The following HERC4 variants were observed in gnomAD, a reference collection of about 807,000 sequenced individuals.
HERC4 encodes probable E3 ubiquitin-protein ligase HERC4.
A neutral mutation model predicts 124.3 loss-of-function variants in HERC4; 28 were observed. That is an observed-to-expected ratio of 0.23 (90% CI 0.17 to 0.31). The LOEUF (loss-of-function observed/expected upper bound fraction) is 0.31. Ranked by LOEUF, HERC4 falls within the 10% of genes least tolerant of loss-of-function variation. The pLI, the probability that HERC4 is intolerant of heterozygous loss-of-function variation, is 1.00. For missense variants in HERC4, 713 were observed against 1,229.3 expected (o/e 0.58, Z 6.28); for synonymous variants, 407 against 421.5 (o/e 0.97, Z 0.42).
intron 15 of HERC4, among the ~76,000 whole-genome samples, chr10:67,973,055 T>C (rs749880741): frequency 1.3e-5 from 2 of 152,132 alleles, no homozygotes; most frequent in South Asian, 4.1e-4. Flanking sequence ...TACACACACA[T>C]ATATAAAGCA....
intron 17 of HERC4, chr10:67,955,370 C>A: frequency 2.6e-6 from 1 of 383,004 alleles, no homozygotes. Context: ...TTAGAGTAAG[C>A]CAGTACAGAA....
At chr10:67,974,309 C>G (rs1027733007) in intron 15 of HERC4, among the ~76,000 whole-genome samples, 1 of 151,996 alleles carries the variant, frequency 6.6e-6, no homozygotes, top group African/African-American at 2.4e-5. Flanking sequence ...CAAATGCAGA[C>G]CCTATAGAGA....
At chr10:67,960,149 T>G (rs2034412643) in intron 16 of HERC4, among the ~76,000 whole-genome samples, 1 of 152,204 alleles carries the variant, frequency 6.6e-6, no homozygotes, top group Admixed American at 6.5e-5. Flanking sequence ...GGGAGCAGGA[T>G]GTGATTGAAC....
intron 3 of HERC4, among the ~76,000 whole-genome samples, chr10:68,051,775 G>A (rs368800425): frequency 2.0e-5 from 3 of 146,792 alleles, no homozygotes; most frequent in Non-Finnish European, 4.5e-5. Flanking sequence ...CTGCAACCCC[G>A]CCTCCGAGGC....
intron 23 of HERC4, among the ~76,000 whole-genome samples, chr10:67,930,523 T>C (rs2031677406): frequency 6.6e-6 from 1 of 152,222 alleles, no homozygotes; most frequent in Non-Finnish European, 1.5e-5. Context: ...CCACTTTGTA[T>C]CCCCATCGGC....
chr10:68,032,279 A>G (rs565015271), intron 7 of HERC4, among the ~76,000 whole-genome samples: 1 of 152,346 alleles, frequency 6.6e-6, no homozygotes, highest in South Asian at 2.1e-4. Context: ...GTGAGAGGTC[A>G]GAGTTAAAGC....
chr10:68,039,742 A>G (rs1430815530), intron 4 of HERC4: 17 of 1,273,642 alleles, frequency 1.3e-5, no homozygotes, highest in Non-Finnish European at 1.7e-5. Context: ...GGAATAAAAA[A>G]TACATGAACA....
In HERC4 at chr10:67,956,797, C is replaced by G. The variant is rs146600902; in HGVS notation, c.2025+81G>C. ...ACTTTGTGTACCTTCATTACTGATC[C>G]TAGGAAAATTTCAAATATTTACTGT... On this transcript the variant is annotated intron_variant, in intron 17 of 24. Transcript: ENST00000373700. 51 of 862,100 alleles carry G rather than the reference C, an allele frequency of 5.9e-5. No individual in the cohort carries two copies. In the East Asian group the frequency reaches 1.2e-3, roughly 21 times the overall value. The allele number at this position is 862,100 out of a possible 1,614,324, so 53.4% of individuals were successfully genotyped here. A position where few individuals can be genotyped will look rare whatever the true frequency, so the allele number is the denominator to read the frequency against.
Position 68,072,895 on chromosome 10 carries a change from T to C in HERC4, c.214A>G (p.Arg72Gly), listed in dbSNP as rs771003134. The C allele has an allele frequency of 3.2e-6, 5 of 1,561,122 alleles. No individual in the cohort carries two copies. In the Admixed American group the frequency reaches 7.9e-5, roughly 25 times the overall value. Residue 72 changes from arginine to glycine, a missense_variant, in exon 3 of 25, where the codon AGA becomes GGA. By Grantham distance (125) the Arg-to-Gly change is moderately radical (BLOSUM62 -2). Transcript: ENST00000373700. ...CATTTCAACTTACCTGGTTTCTTTC[T>C]GGATTTTTCATGACCTAGCTGTCCT... ...DLGQLGHEKSRKKPEQVVALD... is the reference protein window; with the variant it reads ...DLGQLGHEKSGKKPEQVVALD...
intron 15 of HERC4, among the ~76,000 whole-genome samples, chr10:67,988,363 T>C (rs1005882789): frequency 6.6e-6 from 1 of 152,064 alleles, no homozygotes; most frequent in Admixed American, 6.6e-5. Context: ...TAATGCAAAC[T>C]AACAAATTAT....
chr10:67,961,176 G>A (rs927127790), intron 16 of HERC4: 2 of 163,462 alleles, frequency 1.2e-5, no homozygotes, highest in African/African-American at 4.8e-5. Flanking sequence ...TCCATGCAAT[G>A]GAAGTTAGGT....
At chr10:67,985,035 G>A (rs1459358327) in intron 15 of HERC4, among the ~76,000 whole-genome samples, 1 of 152,134 alleles carries the variant, frequency 6.6e-6, no homozygotes, top group Non-Finnish European at 1.5e-5. Context: ...ATACGTTTTT[G>A]AAAAGAAATG....
chr10:68,048,618 T>C (rs983769189), intron 3 of HERC4, among the ~76,000 whole-genome samples: 4 of 152,212 alleles, frequency 2.6e-5, no homozygotes, highest in African/African-American at 7.2e-5. Context: ...ATCCATTTAA[T>C]GTGTAACACT....
chr10:68,052,849 G>C (rs553185281), intron 3 of HERC4, among the ~76,000 whole-genome samples: 48 of 152,248 alleles, frequency 3.2e-4, no homozygotes, highest in African/African-American at 1.0e-3. Flanking sequence ...TGAACACAGA[G>C]TGAAAAATTC....
chr10:68,001,487 T>C (rs2037229622), intron 9 of HERC4, among the ~76,000 whole-genome samples: 1 of 152,186 alleles, frequency 6.6e-6, no homozygotes, highest in Admixed American at 6.6e-5. Flanking sequence ...TGGGCTAGAA[T>C]TGGTAAATTA....
intron 22 of HERC4, among the ~76,000 whole-genome samples, chr10:67,933,381 G>C (rs1230824779): frequency 6.6e-6 from 1 of 151,988 alleles, no homozygotes; most frequent in East Asian, 1.9e-4. Flanking sequence ...TATCTCTTAT[G>C]ATACAAAACG....
chr10:67,982,301 A>G (rs2035979864), intron 15 of HERC4, among the ~76,000 whole-genome samples: 1 of 152,120 alleles, frequency 6.6e-6, no homozygotes, highest in African/African-American at 2.4e-5. Flanking sequence ...ATTTGTTTCT[A>G]GAGAACCTAG....
intron 8 of HERC4, among the ~76,000 whole-genome samples, chr10:68,024,813 A>G (rs900947903): frequency 3.3e-5 from 5 of 152,184 alleles, no homozygotes; most frequent in African/African-American, 4.8e-5. Flanking sequence ...TCCCCCAAAG[A>G]TGAAGCTCAA....
intron 3 of HERC4, among the ~76,000 whole-genome samples, chr10:68,065,153 C>G (rs1239762594): frequency 1.3e-5 from 2 of 151,926 alleles, no homozygotes; most frequent in Non-Finnish European, 2.9e-5. Context: ...AGTTTGTAAT[C>G]AGAAACATAT....
Sources: gnomAD v4.1 joint callset for allele counts (sites outside exome capture counted in the v4.1 genomes callset) on GRCh38, gnomAD v4.1.1 for gene constraint, MANE v1.5 for transcripts, NCBI Gene and HGNC (gene_info 2026-07-23, HGNC 2026-07-21) for gene names.